The following CSMD1 variants were observed in gnomAD, a reference collection of about 807,000 sequenced individuals.
CSMD1 encodes the protein CUB and sushi domain-containing protein 1.
A neutral mutation model predicts 417.5 loss-of-function variants in CSMD1; 213 were observed. That is an observed-to-expected ratio of 0.51 (90% CI 0.46 to 0.57). CSMD1 has a LOEUF of 0.57. Ranked by LOEUF, CSMD1 falls within the 20% of genes least tolerant of loss-of-function variation. The pLI is 0.00. For missense variants in CSMD1, 6,923 were observed against 4,529.7 expected (o/e 1.53, Z -15.17); for synonymous variants, 2,862 against 1,736.8 (o/e 1.65, Z -16.11).
At chr8:3,576,187 G>C (rs112575950) in intron 9 of CSMD1, among the ~76,000 whole-genome samples, 3 of 151,892 alleles carry the variant, frequency 2.0e-5, no homozygotes, top group African/African-American at 4.8e-5. Flanking sequence ...GCTACTTTGT[G>C]GGGGGACAAG....
chr8:4,643,583 T>A (rs2617047), intron 1 of CSMD1, among the ~76,000 whole-genome samples: 86,249 of 152,010 alleles, frequency 0.57, 24,882 homozygotes, highest in Admixed American at 0.68. Flanking sequence ...TGAATTTTTT[T>A]ATTTAAGAGC....
In CSMD1 at chr8:4,012,759, T is replaced by A. The variant is rs747815090; in HGVS notation, c.611-14649A>T. Among the ~76,000 whole-genome samples the A allele has an allele frequency of 4.3e-4, 65 of 152,298 alleles. 1 individual carries two copies. The highest frequency in any genetic ancestry group is 7.3e-4 in the Non-Finnish European group (50 of 68,034). On this transcript the variant is annotated intron_variant, in intron 4 of 69. Transcript: ENST00000635120. ...TAGCCCTAAAATGGTTCTTTTGCTC[T>A]TTCCATTTTCAAATCTGCAATCTCA...
intron 10 of CSMD1, among the ~76,000 whole-genome samples, chr8:3,570,605 A>C (rs192236230): frequency 1.3e-5 from 2 of 152,182 alleles, no homozygotes; most frequent in Non-Finnish European, 2.9e-5. Context: ...CAATGCTATC[A>C]CGGAGCTACT....
chr8:3,586,891 C>A (rs910780686), intron 8 of CSMD1, among the ~76,000 whole-genome samples: 1 of 152,194 alleles, frequency 6.6e-6, no homozygotes, highest in Admixed American at 6.5e-5. Flanking sequence ...CCTCCGCCTC[C>A]GGGGTTCAAG....
At chr8:3,370,948 C>A (rs1286050969) in intron 18 of CSMD1, among the ~76,000 whole-genome samples, 2 of 151,862 alleles carry the variant, frequency 1.3e-5, no homozygotes, top group Non-Finnish European at 2.9e-5. Context: ...TGCACTCCAG[C>A]CTGGGGCAAC....
chr8:3,701,838 G>C (rs1039836117), intron 7 of CSMD1, among the ~76,000 whole-genome samples: 2 of 152,120 alleles, frequency 1.3e-5, no homozygotes, highest in African/African-American at 2.4e-5. Context: ...AATTATGCCT[G>C]AGCCACAACA....
At chr8:4,246,488 G>T (rs1356165317) in intron 3 of CSMD1, among the ~76,000 whole-genome samples, 1 of 152,116 alleles carries the variant, frequency 6.6e-6, no homozygotes, top group Non-Finnish European at 1.5e-5. Flanking sequence ...ACAGAGATAA[G>T]AGTTTTTAAA....
intron 5 of CSMD1, among the ~76,000 whole-genome samples, chr8:3,936,507 T>C (rs931209074): frequency 6.6e-6 from 1 of 152,168 alleles, no homozygotes; most frequent in Non-Finnish European, 1.5e-5. Flanking sequence ...AATCCCAGGA[T>C]CCTTAAGAAT....
At chr8:4,949,942 C>T (rs754289591) in intron 1 of CSMD1, among the ~76,000 whole-genome samples, 15 of 151,924 alleles carry the variant, frequency 9.9e-5, no homozygotes, top group South Asian at 2.1e-4. Context: ...ATTCTATCTA[C>T]ATTGCAAGAA....
At chr8:3,366,941 TAC>T (rs143255259) in intron 20 of CSMD1, 89 bp downstream of exon 20, 4,326 of 875,602 alleles carry the variant, frequency 4.9e-3, no homozygotes, top group Non-Finnish European at 5.9e-3. Context: ...ATGCACACAT[TAC>T]ACACACACAC....
rs549273773 is a variant in CSMD1, at chr8:4,855,194, G to C, written c.85+139138C>G. ...GGCAGGGTACTCCAACAGACCTGCA[G>C]CTGACGGTCCTCTTTGTTAGAAGAA... On this transcript the variant is annotated intron_variant, in intron 1 of 69. Coordinates refer to ENST00000635120, the MANE Select transcript of CSMD1 (RefSeq NM_033225.6). 3.3e-4 allele frequency among the ~76,000 whole-genome samples: 50 copies of C among 150,020 alleles called. 1 individual carries two copies. The highest frequency in any genetic ancestry group is 1.2e-3 in the African/African-American group (48 of 41,324).
chr8:3,579,401 T>C (rs947404925), intron 9 of CSMD1, among the ~76,000 whole-genome samples: 1 of 152,242 alleles, frequency 6.6e-6, no homozygotes, highest in South Asian at 2.1e-4. Flanking sequence ...GGTTCTATAG[T>C]AACTACTCAA....
chr8:3,567,451 T>C (rs1799761627), intron 10 of CSMD1, among the ~76,000 whole-genome samples: 1 of 97,800 alleles, frequency 1.0e-5, no homozygotes, highest in Non-Finnish European at 2.1e-5. Flanking sequence ...AATAAAAATA[T>C]AAATGAAGAC....
At chr8:3,081,234 G>A (rs560517181) in intron 49 of CSMD1, among the ~76,000 whole-genome samples, 1 of 152,072 alleles carries the variant, frequency 6.6e-6, no homozygotes, top group Non-Finnish European at 1.5e-5. Flanking sequence ...GTAACTATTT[G>A]AATATATTCT....
At chr8:3,516,513 C>G (rs1415680984) in intron 10 of CSMD1, among the ~76,000 whole-genome samples, 1 of 152,192 alleles carries the variant, frequency 6.6e-6, no homozygotes, top group South Asian at 2.1e-4. Flanking sequence ...CTACTCCTCT[C>G]ATTACACCTT....
intron 1 of CSMD1, among the ~76,000 whole-genome samples, chr8:4,746,010 C>A (rs768762614): frequency 1.3e-5 from 2 of 152,174 alleles, no homozygotes; most frequent in South Asian, 4.1e-4. Context: ...AAAAGAAAAT[C>A]TTCTAAACTG....
At chr8:4,154,382 C>A (rs1796720059) in intron 3 of CSMD1, among the ~76,000 whole-genome samples, 1 of 152,162 alleles carries the variant, frequency 6.6e-6, no homozygotes, top group Non-Finnish European at 1.5e-5. Flanking sequence ...ACATATATCT[C>A]TAATCTATTG....
intron 2 of CSMD1, among the ~76,000 whole-genome samples, chr8:4,537,009 G>C (rs1200994930): frequency 2.0e-5 from 3 of 152,124 alleles, no homozygotes; most frequent in African/African-American, 7.2e-5. Flanking sequence ...ATACAAATTT[G>C]AGCACGGTCT....
Position 4,208,184 on chromosome 8 carries a change from A to T in CSMD1, c.416-176085T>A, listed in dbSNP as rs556442780. ...GGAGGCTAAGGTGTTAGAAATGAAA[A>T]TAGACTCAGCTATGGAACACAGATA... On this transcript the variant is annotated intron_variant, in intron 3 of 69. Transcript: ENST00000635120. Among the ~76,000 whole-genome samples, 8 of 152,312 alleles carry T rather than the reference A, an allele frequency of 5.3e-5. No individual in the cohort carries two copies. In the South Asian group the frequency reaches 6.2e-4, roughly 12 times the overall value.
Sources: gnomAD v4.1 joint callset for allele counts (sites outside exome capture counted in the v4.1 genomes callset) on GRCh38, gnomAD v4.1.1 for gene constraint, MANE v1.5 for transcripts, NCBI Gene and HGNC (gene_info 2026-07-23, HGNC 2026-07-21) for gene names.